The following CFAP58 variants were observed in gnomAD, a reference collection of about 807,000 sequenced individuals.
CFAP58 encodes cilia- and flagella-associated protein 58.
In CFAP58, 88 loss-of-function variants were observed where a neutral mutation model predicts 119.5. The observed-to-expected ratio is 0.74, with a 90% CI of 0.62 to 0.88. The LOEUF is 0.88. Ranked by LOEUF, CFAP58 falls within the 40% of genes least tolerant of loss-of-function variation. The pLI is 0.00. For synonymous variants in CFAP58, 365 were observed against 366.3 expected, an observed-to-expected ratio of 1.00 and a Z score of 0.04; for missense variants, 990 against 1,021.2, an observed-to-expected ratio of 0.97 and a Z score of 0.42.
Position 104,413,706 on chromosome 10 carries a change from A to T in CFAP58, c.2256+6913A>T, listed in dbSNP as rs544965603. Among the ~76,000 whole-genome samples, 41 of 143,866 alleles carry T rather than the reference A, an allele frequency of 2.8e-4. 1 individual carries two copies. In the South Asian group the frequency reaches 8.2e-3, roughly 29 times the overall value. 94.4% of individuals were successfully genotyped at this position (143,866 alleles called of 152,430 possible). A position where few individuals can be genotyped will look rare whatever the true frequency, so the allele number is the denominator to read the frequency against. ...TGCTATCCATTACCTGGGTATCATTACATCATCATCATCATCATCATCATC... is the reference window on the plus strand; with the variant it reads ...TGCTATCCATTACCTGGGTATCATTTCATCATCATCATCATCATCATCATC... On this transcript the variant is annotated intron_variant, in intron 15 of 17. Coordinates refer to ENST00000369704, the MANE Select transcript of CFAP58 (RefSeq NM_001008723.2).
At position 104,424,003 on chromosome 10, in the gene CFAP58, A is replaced by G. The variant is rs76465361; in HGVS notation, c.2256+17210A>G. Among the ~76,000 whole-genome samples the G allele has an allele frequency of 2.2e-3, 339 of 152,314 alleles. 1 individual carries two copies. The highest frequency in any genetic ancestry group is 8.0e-3 in the African/African-American group (331 of 41,574). Reference sequence around the variant, plus strand: ...CTTTTTTATGATTTTAGGGGAATTTATAGAATCGTTTAGATTGGAAGAAAT... The same window carrying G: ...CTTTTTTATGATTTTAGGGGAATTTGTAGAATCGTTTAGATTGGAAGAAAT... On this transcript the variant is annotated intron_variant, in intron 15 of 17. Transcript: ENST00000369704.
intron 13 of CFAP58, among the ~76,000 whole-genome samples, chr10:104,402,989 G>C (rs1012525737): frequency 2.0e-5 from 3 of 152,130 alleles, no homozygotes; most frequent in Admixed American, 2.0e-4. Flanking sequence ...ACTGTAGCCT[G>C]TTCACTTATT....
At chr10:104,363,312 C>T (rs192552868) in intron 3 of CFAP58, among the ~76,000 whole-genome samples, 16 of 152,278 alleles carry the variant, frequency 1.1e-4, no homozygotes, top group African/African-American at 3.4e-4. Context: ...ATGGCATCAA[C>T]GAATGAATCA....
At chr10:104,383,701 A>T (rs1316935170) in intron 9 of CFAP58, among the ~76,000 whole-genome samples, 1 of 151,944 alleles carries the variant, frequency 6.6e-6, no homozygotes, top group African/African-American at 2.4e-5. Context: ...CTTCTTAAGG[A>T]TATGTATGTC....
At chr10:104,416,362 T>C (rs190375132) in intron 15 of CFAP58, among the ~76,000 whole-genome samples, 5 of 152,304 alleles carry the variant, frequency 3.3e-5, no homozygotes, top group Admixed American at 2.0e-4. Flanking sequence ...GTAAGGGGCA[T>C]ATCCCTCAGA....
chr10:104,413,826 T>C (rs1390795857), intron 15 of CFAP58, among the ~76,000 whole-genome samples: 2 of 152,192 alleles, frequency 1.3e-5, no homozygotes, highest in South Asian at 2.1e-4. Flanking sequence ...GCATTTCTAA[T>C]AATGGGCATA....
rs1459333734 is a variant in CFAP58, at chr10:104,396,014, A to AG, written c.1674+2541dup. On this transcript the variant is annotated intron_variant, in intron 11 of 17. Transcript: ENST00000369704. ...TGCTACCAGGCTCCACTGATGCCTG[A>AG]GGATCCTGTACACTGTCAGCACATT... Among the ~76,000 whole-genome samples, 3 of 152,188 alleles carry AG rather than the reference A, an allele frequency of 2.0e-5. No individual in the cohort carries two copies. The East Asian group carries it at 5.8e-4, about 29-fold the overall frequency.
At position 104,370,923 on chromosome 10, in the gene CFAP58, G is replaced by T; in HGVS notation, c.959G>T (p.Arg320Leu). ...AAAGAGGAAGAAGTCCATCAAATGC[G>T]CCTTGACATCGGGAAGCTCAACAAA... is the stretch of plus-strand genomic sequence containing the variant. ...KAKEEEVHQMRLDIGKLNKIR... is the reference protein window; with the variant it reads ...KAKEEEVHQMLLDIGKLNKIR... Residue 320 changes from arginine (R) to leucine (L), a missense_variant, in exon 7 of 18, where the codon CGC becomes CTC. By Grantham distance (102) the Arg-to-Leu change is moderately radical. Coordinates refer to ENST00000369704, the MANE Select transcript of CFAP58 (RefSeq NM_001008723.2). 1.9e-6 allele frequency: 3 copies of T among 1,612,918 alleles called. No individual in the cohort carries two copies. The highest frequency in any genetic ancestry group is 1.7e-5 in the Admixed American group (1 of 59,816).
chr10:104,359,595 G>A (rs1426567821), intron 2 of CFAP58, among the ~76,000 whole-genome samples: 1 of 152,158 alleles, frequency 6.6e-6, no homozygotes, highest in African/African-American at 2.4e-5. Context: ...CTGAGGTCAG[G>A]AGACCAGCCT....
intron 6 of CFAP58, 65 bp downstream of exon 6, chr10:104,368,625 T>G: frequency 6.4e-7 from 1 of 1,574,790 alleles, no homozygotes; most frequent in South Asian, 1.1e-5. Context: ...GCCTTGGCAA[T>G]TGGAGCCCTC....
intron 3 of CFAP58, among the ~76,000 whole-genome samples, chr10:104,363,975 T>C (rs2014706075): frequency 6.6e-6 from 1 of 152,206 alleles, no homozygotes. Context: ...CCAAATCATA[T>C]GGAATGGCTT....
chr10:104,422,613 A>G (rs895770633), intron 15 of CFAP58, among the ~76,000 whole-genome samples: 1 of 152,150 alleles, frequency 6.6e-6, no homozygotes, highest in African/African-American at 2.4e-5. Context: ...GATCATTCAC[A>G]TGTACAGTGG....
At chr10:104,379,736 T>C (rs1007209401) in intron 8 of CFAP58, among the ~76,000 whole-genome samples, 1 of 152,314 alleles carries the variant, frequency 6.6e-6, no homozygotes. Flanking sequence ...TTGTATGAAC[T>C]TGTGGGCAAA....
chr10:104,434,326 T>C (rs1231297086), intron 15 of CFAP58, among the ~76,000 whole-genome samples: 1 of 152,212 alleles, frequency 6.6e-6, no homozygotes, highest in Non-Finnish European at 1.5e-5. Context: ...CTAGAACTTC[T>C]CTTGTGTTTC....
chr10:104,441,425 A>G (rs2013035739), intron 15 of CFAP58, among the ~76,000 whole-genome samples: 1 of 152,258 alleles, frequency 6.6e-6, no homozygotes, highest in Non-Finnish European at 1.5e-5. Flanking sequence ...AAAAGTCAAC[A>G]CTATCATGAT....
chr10:104,419,704 A>T (rs2012624365), intron 15 of CFAP58, among the ~76,000 whole-genome samples: 1 of 152,026 alleles, frequency 6.6e-6, no homozygotes, highest in East Asian at 1.9e-4. Context: ...GTATGTGGTG[A>T]CTTCGTTGCT....
intron 10 of CFAP58, among the ~76,000 whole-genome samples, chr10:104,392,764 T>C: frequency 6.6e-6 from 1 of 151,654 alleles, no homozygotes; most frequent in East Asian, 1.9e-4. Context: ...CTCAGTCTCC[T>C]GAGTAGCTGG....
At chr10:104,399,534 G>A (rs2012224841) in intron 12 of CFAP58, 34 bp downstream of exon 12, 13 of 1,606,046 alleles carry the variant, frequency 8.1e-6, no homozygotes, top group Non-Finnish European at 1.1e-5. Flanking sequence ...TGCAGACCTT[G>A]TCAACAGACA....
At position 104,412,388 on chromosome 10, in the gene CFAP58, G is replaced by T. The variant is rs946178720; in HGVS notation, c.2256+5595G>T. On this transcript the variant is annotated intron_variant, in intron 15 of 17. Transcript: ENST00000369704. ...CCAGGCCTCCAAAGTTTAATGTCCT[G>T]TCTCAATCCCTTTTAATCAATTCCT... is the stretch of plus-strand genomic sequence containing the variant. 2.0e-5 allele frequency among the ~76,000 whole-genome samples: 3 copies of T among 151,894 alleles called. No individual in the cohort carries two copies. The South Asian group carries it at 6.2e-4, about 32-fold the overall frequency.
Sources: allele counts gnomAD v4.1 joint callset (sites outside exome capture counted in the v4.1 genomes callset), GRCh38; gene constraint gnomAD v4.1.1; transcripts MANE v1.5; gene names NCBI Gene and HGNC (gene_info 2026-07-23, HGNC 2026-07-21).